The following CDH4 variants were observed in gnomAD, a reference collection of about 807,000 sequenced individuals.
The protein encoded by CDH4 is cadherin-4.
A neutral mutation model predicts 86.0 loss-of-function variants in CDH4; 33 were observed. That is an observed-to-expected ratio of 0.38 (90% CI 0.29 to 0.51). The LOEUF (loss-of-function observed/expected upper bound fraction) is 0.51. Among genes scored for constraint, CDH4 ranks in the 20% least tolerant of loss-of-function variants. CDH4 has a pLI of 0.86. For missense variants in CDH4, 1,114 were observed against 1,307.4 expected (o/e 0.85, Z 2.28); for synonymous variants, 555 against 549.4 (o/e 1.01, Z -0.14).
At chr20:61,362,471 G>T (rs1411997158) in intron 2 of CDH4, among the ~76,000 whole-genome samples, 1 of 151,376 alleles carries the variant, frequency 6.6e-6, no homozygotes, top group Non-Finnish European at 1.5e-5. Flanking sequence ...GGACAGCGTA[G>T]GGGAGAGCAG....
chr20:61,849,810 A>T (rs145615109), intron 5 of CDH4, among the ~76,000 whole-genome samples: 103 of 152,218 alleles, frequency 6.8e-4, no homozygotes, highest in African/African-American at 2.3e-3. Flanking sequence ...TCGAAGGCCC[A>T]TGTGGTTGGA....
intron 2 of CDH4, among the ~76,000 whole-genome samples, chr20:61,609,362 A>G (rs1395849971): frequency 6.6e-6 from 1 of 151,874 alleles, no homozygotes; most frequent in African/African-American, 2.4e-5. Flanking sequence ...TTTTCCTGTG[A>G]TTTTGCGACA....
In CDH4 at chr20:61,831,521, C is replaced by T. The variant is rs528315637; in HGVS notation, c.577-13147C>T. ...GGCCTGACACCCCGAATGCGCTACT[C>T]CCTGACCTTCCATTAATACCAGCTT... On this transcript the variant is annotated intron_variant, in intron 4 of 15. Coordinates refer to ENST00000614565, the MANE Select transcript of CDH4 (RefSeq NM_001794.5). Among the ~76,000 whole-genome samples the T allele has an allele frequency of 3.0e-4, 46 of 152,396 alleles. No homozygotes were observed. In the South Asian group the frequency reaches 4.3e-3, roughly 14 times the overall value.
At chr20:61,678,150 A>G (rs2087467012) in intron 2 of CDH4, among the ~76,000 whole-genome samples, 1 of 146,768 alleles carries the variant, frequency 6.8e-6, no homozygotes, top group Non-Finnish European at 1.6e-5. Context: ...GGATAGGTAG[A>G]TAGATGGATG....
Position 61,252,442 on chromosome 20 carries a change from TCGGCGGCGG to T in CDH4, c.-55_-47del, listed in dbSNP as rs3048343. The T allele has an allele frequency of 2.0e-3, 1,311 of 646,506 alleles. 38 individuals are homozygous for T. The Admixed American group carries it at 0.065, about 32-fold the overall frequency. 40.0% of individuals were successfully genotyped at this position (646,506 alleles called of 1,614,324 possible). Reference sequence around the variant, plus strand: ...GGCGATCGGAGCGGCGGCGGTGGTCTCGGCGGCGGCGGCGGCGGCGGCGGCAGGGAGCGG... The same window carrying T: ...GGCGATCGGAGCGGCGGCGGTGGTCTCGGCGGCGGCGGCGGCAGGGAGCGG... On this transcript the variant is annotated 5_prime_UTR_variant, in exon 1 of 16. Transcript: ENST00000614565. The surrounding 1 kb of genome is among the most constrained non-coding windows in gnomAD (Gnocchi z 4.4).
chr20:61,401,564 G>T (rs1349658745), intron 2 of CDH4, among the ~76,000 whole-genome samples: 1 of 152,180 alleles, frequency 6.6e-6, no homozygotes, highest in Non-Finnish European at 1.5e-5. Context: ...GGACAGCCTG[G>T]CTTCAGGTGT....
At chr20:61,742,174 C>T (rs1026924877) in intron 2 of CDH4, among the ~76,000 whole-genome samples, 1 of 147,996 alleles carries the variant, frequency 6.8e-6, no homozygotes, top group African/African-American at 2.5e-5. Flanking sequence ...GGGAACAGAT[C>T]CGGGGAGCCA....
chr20:61,514,894 T>C (rs571831956), intron 2 of CDH4, among the ~76,000 whole-genome samples: 1 of 152,204 alleles, frequency 6.6e-6, no homozygotes, highest in East Asian at 1.9e-4. Flanking sequence ...GCGGCAGCCA[T>C]GGGGTGGGGG....
chr20:61,667,281 C>T (rs992937774), intron 2 of CDH4, among the ~76,000 whole-genome samples: 2 of 152,208 alleles, frequency 1.3e-5, no homozygotes, highest in Admixed American at 6.5e-5. Context: ...GCCCTGCTCA[C>T]GGAGCCCTCG....
At chr20:61,440,116 C>G (rs1193208052) in intron 2 of CDH4, among the ~76,000 whole-genome samples, 2 of 152,184 alleles carry the variant, frequency 1.3e-5, no homozygotes, top group East Asian at 3.9e-4. Context: ...CATGAAGATG[C>G]CTGCGCTATC....
chr20:61,587,923 T>C (rs1289551125), intron 2 of CDH4, among the ~76,000 whole-genome samples: 1 of 152,150 alleles, frequency 6.6e-6, no homozygotes, highest in East Asian at 1.9e-4. Flanking sequence ...GATTCTCACC[T>C]CGGAGTCAAC....
At chr20:61,565,170 G>GGGTGGTGGTGGTAGGTGGT (rs1568688216) in intron 2 of CDH4, among the ~76,000 whole-genome samples, 1 of 127,148 alleles carries the variant, frequency 7.9e-6, no homozygotes, top group East Asian at 2.3e-4. Flanking sequence ...CTTGGTGATG[G>GGGTGGTGGTGGTAGGTGGT]GGTGGTGGTG....
intron 2 of CDH4, among the ~76,000 whole-genome samples, chr20:61,413,164 C>T (rs933762225): frequency 6.6e-6 from 1 of 151,852 alleles, no homozygotes; most frequent in Non-Finnish European, 1.5e-5. Flanking sequence ...TCTGGAAGCT[C>T]CCCTCCCCAT....
At chr20:61,579,688 C>T (rs2086410951) in intron 2 of CDH4, among the ~76,000 whole-genome samples, 1 of 152,158 alleles carries the variant, frequency 6.6e-6, no homozygotes, top group South Asian at 2.1e-4. Flanking sequence ...AACCCCCACT[C>T]TGCCCCGATG....
rs974682688 is a variant in CDH4 at position 61,544,877 on chromosome 20, G to A, written c.170-198686G>A. ...TTGAGGGGAGGGGGGATGCACTAGG[G>A]GGTCTTGGAACTTGGTACATACAGG... On this transcript the variant is annotated intron_variant, in intron 2 of 15. Transcript: ENST00000614565. This position sits in a 1 kb window ranked among gnomAD's most constrained non-coding sequence, Gnocchi z 6.5. Among the ~76,000 whole-genome samples the A allele has an allele frequency of 6.6e-6, 1 of 152,124 alleles. No homozygotes were observed. The highest frequency in any genetic ancestry group is 6.5e-5 in the Admixed American group (1 of 15,278).
At chr20:61,887,125 A>G (rs1168658265) in intron 7 of CDH4, among the ~76,000 whole-genome samples, 2 of 150,922 alleles carry the variant, frequency 1.3e-5, no homozygotes, top group African/African-American at 4.8e-5. Flanking sequence ...CACCCCAGAG[A>G]ACATCCCAGA....
intron 2 of CDH4, among the ~76,000 whole-genome samples, chr20:61,596,478 T>C (rs1245330202): frequency 6.6e-6 from 1 of 152,210 alleles, no homozygotes; most frequent in Admixed American, 6.5e-5. Context: ...ATGGCTCTTA[T>C]GCAGGTGGAA....
rs574370748 is a variant in CDH4, at chr20:61,517,493, C to T, written c.170-226070C>T. On this transcript the variant is annotated intron_variant, in intron 2 of 15. Transcript: ENST00000614565. The surrounding 1 kb of genome is among the most constrained non-coding windows in gnomAD (Gnocchi z 6.6). ...TGCAGGTATGAGCCACCATGCCTGG[C>T]CTATAGACTTTTGTGTCTGGCGGCT... Among the ~76,000 whole-genome samples the T allele has an allele frequency of 1.3e-5, 2 of 152,342 alleles. No homozygotes were observed. Among genetic ancestry groups the T allele is most frequent in the Admixed American group, 6.5e-5 (1 of 15,310 alleles).
In CDH4 at chr20:61,708,246, C is replaced by G. The variant is rs2087853201; in HGVS notation, c.170-35317C>G. Among the ~76,000 whole-genome samples the G allele has an allele frequency of 1.3e-5, 2 of 152,134 alleles. No homozygotes were observed. Among genetic ancestry groups the G allele is most frequent in the Non-Finnish European group, 2.9e-5 (2 of 67,998 alleles). ...CACACAGGGCTGAGTGTAGCGTGGC[C>G]AGCAGGGGGTTGACTTTTACCCCGA... is the stretch of plus-strand genomic sequence containing the variant. On this transcript the variant is annotated intron_variant, in intron 2 of 15. Transcript: ENST00000614565. This position sits in a 1 kb window ranked among gnomAD's most constrained non-coding sequence, Gnocchi z 4.5.
Sources: gnomAD v4.1 joint callset for allele counts (sites outside exome capture counted in the v4.1 genomes callset) on GRCh38, gnomAD v4.1.1 for gene constraint, Gnocchi (gnomAD v3.1) non-coding constraint, MANE v1.5 for transcripts, NCBI Gene and HGNC (gene_info 2026-07-23, HGNC 2026-07-21) for gene names.